The following MLPH variants were observed in gnomAD, a reference collection of about 807,000 sequenced individuals.
MLPH encodes exophilin-3.
In MLPH, 51 loss-of-function variants were observed where a neutral mutation model predicts 72.1. The observed-to-expected ratio is 0.71, with a 90% CI of 0.56 to 0.89. The LOEUF is 0.89. Ranked by LOEUF, MLPH falls within the 40% of genes least tolerant of loss-of-function variation. The probability of loss-of-function intolerance (pLI) is 0.00; values close to 1 mark genes in which losing one functional copy is unlikely to be tolerated. For missense variants in MLPH, 743 were observed against 759.9 expected, an observed-to-expected ratio of 0.98 and a Z score of 0.26; for synonymous variants, 301 against 310.1, an observed-to-expected ratio of 0.97 and a Z score of 0.31.
At chr2:237,514,011 T>C (rs1038844345) in intron 4 of MLPH, among the ~76,000 whole-genome samples, 1 of 152,242 alleles carries the variant, frequency 6.6e-6, no homozygotes, top group Non-Finnish European at 1.5e-5. Context: ...GCCTTCAGAA[T>C]ACAGACCCAC....
At chr2:237,515,258 G>T (rs1409637354) in intron 4 of MLPH, among the ~76,000 whole-genome samples, 1 of 152,152 alleles carries the variant, frequency 6.6e-6, no homozygotes, top group African/African-American at 2.4e-5. Context: ...TCTCCATCTC[G>T]CAGGAGGCTT....
chr2:237,551,405 C>T (rs2081037898), intron 14 of MLPH, among the ~76,000 whole-genome samples: 1 of 152,276 alleles, frequency 6.6e-6, no homozygotes, highest in South Asian at 2.1e-4. Flanking sequence ...CCCACCCTGG[C>T]TGATCGCAAG....
chr2:237,520,393 G>A (rs553604320), intron 6 of MLPH, among the ~76,000 whole-genome samples: 1 of 152,094 alleles, frequency 6.6e-6, no homozygotes, highest in Admixed American at 6.6e-5. Flanking sequence ...GGTGGAGTCA[G>A]GCAGGGCCTG....
At chr2:237,543,090 G>T in intron 12 of MLPH, among the ~76,000 whole-genome samples, 1 of 83,642 alleles carries the variant, frequency 1.2e-5, no homozygotes, top group African/African-American at 5.4e-5. Context: ...AGACAGTGGT[G>T]AGTGGGGACA....
At chr2:237,548,018 C>T (rs1462551273) in intron 13 of MLPH, among the ~76,000 whole-genome samples, 2 of 152,198 alleles carry the variant, frequency 1.3e-5, no homozygotes. Flanking sequence ...CACAGTGACA[C>T]GCGATGTTTT....
In MLPH at chr2:237,494,572, C is replaced by T. The variant is rs114598771; in HGVS notation, c.110+1036C>T. On this transcript the variant is annotated intron_variant, in intron 2 of 15. Transcript: ENST00000264605. ...GCCAGATGCACTTTGCAGGCAGAGC[C>T]AGCAAGCTTGACCAGAGATCAGATG... Among the ~76,000 whole-genome samples the T allele has an allele frequency of 4.9e-3, 743 of 152,160 alleles. 1 individual carries two copies. The highest frequency in any genetic ancestry group is 0.017 in the African/African-American group (703 of 41,518).
intron 13 of MLPH, among the ~76,000 whole-genome samples, chr2:237,547,415 C>T (rs113798503): frequency 5.5e-4 from 10 of 18,326 alleles, no homozygotes; most frequent in East Asian, 1.3e-3. Context: ...TCCCCGTGTT[C>T]AGGTGGAGTG....
chr2:237,552,249 C>A, intron 14 of MLPH, 88 bp from the exon 15 acceptor site: 1 of 1,062,580 alleles, frequency 9.4e-7, no homozygotes, highest in South Asian at 1.4e-5. Context: ...TTTTTTCTAC[C>A]TTTTAAATTT....
At chr2:237,552,544 C>A in intron 15 of MLPH, 107 bp downstream of exon 15, 1 of 974,500 alleles carries the variant, frequency 1.0e-6, no homozygotes, top group East Asian at 2.6e-5. Context: ...ATAAACAAAA[C>A]AAAGATTCAG....
rs1436128900 is a variant in MLPH, at chr2:237,510,649, C to A, written c.186C>A (p.Thr62=). 1 of 1,613,768 alleles carries A rather than the reference C, an allele frequency of 6.2e-7. No homozygotes were observed. The highest frequency in any genetic ancestry group is 1.1e-5 in the South Asian group (1 of 91,082). The change falls in exon 3 of 16, where the codon ACC becomes ACA. Residue 62 remains threonine, a synonymous_variant. Coordinates refer to ENST00000264605, the MANE Select transcript of MLPH (RefSeq NM_024101.7). This position sits in a 1 kb window ranked among gnomAD's most constrained non-coding sequence, Gnocchi z 4.4. ...LLSDTAHLNE[T]HCARCLQPYQ... ...CCGACACTGCCCATCTGAACGAGAC[C>A]CACTGCGCCCGCTGCCTGCAGCCCT...
intron 4 of MLPH, among the ~76,000 whole-genome samples, chr2:237,514,882 C>A (rs1471448199): frequency 6.6e-6 from 1 of 152,226 alleles, no homozygotes; most frequent in Non-Finnish European, 1.5e-5. Flanking sequence ...TGACTCACCC[C>A]AGCATCTTCC....
intron 2 of MLPH, among the ~76,000 whole-genome samples, chr2:237,504,496 G>A (rs1266299583): frequency 6.6e-6 from 1 of 152,242 alleles, no homozygotes; most frequent in Non-Finnish European, 1.5e-5. Context: ...GGGATTACAG[G>A]TGTGAGCCAC....
chr2:237,490,253 A>C (rs1231024130), intron 1 of MLPH, among the ~76,000 whole-genome samples: 2 of 151,902 alleles, frequency 1.3e-5, no homozygotes, highest in Admixed American at 6.6e-5. Context: ...CCCTGAGCCC[A>C]TGGAGGTCGA....
At chr2:237,497,003 C>T (rs1256489460) in intron 2 of MLPH, among the ~76,000 whole-genome samples, 1 of 152,012 alleles carries the variant, frequency 6.6e-6, no homozygotes, top group African/African-American at 2.4e-5. Flanking sequence ...ACAATTTTTC[C>T]ACAGATGTGA....
chr2:237,546,578 T>C (rs745515318), intron 12 of MLPH, 28 bp from the exon 13 acceptor site: 1 of 1,606,020 alleles, frequency 6.2e-7, no homozygotes, highest in Non-Finnish European at 8.5e-7. Flanking sequence ...GGTTCAACAA[T>C]AACATAAGTC....
In MLPH at chr2:237,540,781, C is replaced by A. The variant is rs1485698316; in HGVS notation, c.1291-21C>A. ...ACACTCCCTCCTGCTGCTGGTCAGC[C>A]TCCGTCCTTCTCTTTCCTAGGTGGG... is the stretch of plus-strand genomic sequence containing the variant. On this transcript the variant is annotated intron_variant, in intron 10 of 15. Coordinates refer to ENST00000264605, the MANE Select transcript of MLPH (RefSeq NM_024101.7). The A allele has an allele frequency of 2.5e-6, 4 of 1,612,048 alleles. No individual in the cohort carries two copies. The African/African-American group carries it at 5.3e-5, about 22-fold the overall frequency.
In MLPH at chr2:237,555,113, A is replaced by C. The variant is rs1442295656; in HGVS notation, c.*1521A>C. The C allele has an allele frequency of 6.6e-6, 1 of 152,070 alleles. No individual in the cohort carries two copies. The highest frequency in any genetic ancestry group is 1.5e-5 in the Non-Finnish European group (1 of 68,030). The allele number at this position is 152,070 out of a possible 1,614,324, so 9.4% of individuals were successfully genotyped here. ...TGAGATCCCATCTCTACAAAAAACAAAACAAAAAAATTACCCAAGCATGAT... is the reference window on the plus strand; with the variant it reads ...TGAGATCCCATCTCTACAAAAAACACAACAAAAAAATTACCCAAGCATGAT... On this transcript the variant is annotated 3_prime_UTR_variant, in exon 16 of 16. Coordinates refer to ENST00000264605, the MANE Select transcript of MLPH (RefSeq NM_024101.7).
chr2:237,498,978 C>G (rs1003288805), intron 2 of MLPH, among the ~76,000 whole-genome samples: 9 of 152,130 alleles, frequency 5.9e-5, no homozygotes, highest in Non-Finnish European at 1.3e-4. Flanking sequence ...CTGGGTGTAA[C>G]TTTCCCCACA....
At chr2:237,536,072 C>T (rs1414659375) in intron 9 of MLPH, among the ~76,000 whole-genome samples, 3 of 152,190 alleles carry the variant, frequency 2.0e-5, no homozygotes, top group African/African-American at 4.8e-5. Context: ...GCAGGACGCT[C>T]CTTGTAGCAC....
Sources: gnomAD v4.1 joint callset for allele counts (sites outside exome capture counted in the v4.1 genomes callset) on GRCh38, gnomAD v4.1.1 for gene constraint, Gnocchi (gnomAD v3.1) non-coding constraint, MANE v1.5 for transcripts, NCBI Gene and HGNC (gene_info 2026-07-23, HGNC 2026-07-21) for gene names.